Variants in CNTNAP5 observed in about 807,000 individuals in gnomAD.
CNTNAP5 encodes the protein contactin associated protein family member 5.
CNTNAP5 carries 72 observed loss-of-function variants against 150.2 expected under a neutral mutation model. That is an observed-to-expected ratio of 0.48 (90% CI 0.40 to 0.58). CNTNAP5 has a LOEUF of 0.58. Ranked by LOEUF, CNTNAP5 falls within the 20% of genes least tolerant of loss-of-function variation. The pLI is 0.00. For synonymous variants in CNTNAP5, 672 were observed against 619.8 expected, an observed-to-expected ratio of 1.08 and a Z score of -1.25; for missense variants, 1,636 against 1,626.2, an observed-to-expected ratio of 1.01 and a Z score of -0.10.
intron 5 of CNTNAP5, among the ~76,000 whole-genome samples, chr2:124,439,767 G>A (rs1023406636): frequency 1.3e-5 from 2 of 152,054 alleles, no homozygotes; most frequent in African/African-American, 4.8e-5. Flanking sequence ...GTTGAAAGGG[G>A]GTACCTTTAC....
chr2:124,233,759 T>G (rs1371195809), intron 2 of CNTNAP5, among the ~76,000 whole-genome samples: 2 of 149,320 alleles, frequency 1.3e-5, no homozygotes, highest in Non-Finnish European at 3.0e-5. Flanking sequence ...AATCATTTTG[T>G]GTCCATAGTT....
chr2:124,429,386 C>T (rs1692316980), intron 4 of CNTNAP5, among the ~76,000 whole-genome samples: 1 of 152,088 alleles, frequency 6.6e-6, no homozygotes, highest in Non-Finnish European at 1.5e-5. Context: ...TGAAAAAAAT[C>T]AAGCAATAGT....
intron 7 of CNTNAP5, among the ~76,000 whole-genome samples, chr2:124,496,777 C>T (rs568753003): frequency 6.6e-5 from 10 of 152,302 alleles, no homozygotes; most frequent in South Asian, 2.1e-4. Context: ...ACTGTCCCTA[C>T]GGTAGAGGAG....
intron 21 of CNTNAP5, among the ~76,000 whole-genome samples, chr2:124,877,269 A>G (rs1051474885): frequency 1.3e-5 from 2 of 152,150 alleles, no homozygotes; most frequent in Non-Finnish European, 2.9e-5. Context: ...TATGAATAGC[A>G]TGCCCTTGAG....
In CNTNAP5 at chr2:124,410,680, G is replaced by A. The variant is rs370365932; in HGVS notation, c.382-6763G>A. Among the ~76,000 whole-genome samples, 959 of 150,444 alleles carry A rather than the reference G, an allele frequency of 6.4e-3. 6 individuals are homozygous for A. Among genetic ancestry groups the A allele is most frequent in the Non-Finnish European group, 6.8e-3 (458 of 67,222 alleles). On this transcript the variant is annotated intron_variant, in intron 3 of 23. Transcript: ENST00000682447. ...GAAATAAAGCTGTTCTTTGAAACCA[G>A]CGAGAACAAAGACACAACATACCAG...
At chr2:124,398,945 G>A (rs1691333622) in intron 3 of CNTNAP5, among the ~76,000 whole-genome samples, 1 of 152,144 alleles carries the variant, frequency 6.6e-6, no homozygotes, top group Admixed American at 6.5e-5. Context: ...GTATTTCCTT[G>A]GGTTTGTGTT....
At position 124,916,262 on chromosome 2, in the gene CNTNAP5, A is replaced by G. The variant is rs575476974; in HGVS notation, c.*1974A>G. ...TTATTTTAAAGTGATTTTAACCATG[A>G]TATCATTTCTCTCCTTTTAGTTTTA... is the stretch of plus-strand genomic sequence containing the variant. On this transcript the variant is annotated 3_prime_UTR_variant, in exon 24 of 24. Coordinates refer to ENST00000682447, the MANE Select transcript of CNTNAP5 (RefSeq NM_001367498.1). Among the ~76,000 whole-genome samples, 5 of 152,212 alleles carry G rather than the reference A, an allele frequency of 3.3e-5. 1 individual carries two copies. Among genetic ancestry groups the G allele is most frequent in the African/African-American group, 1.2e-4 (5 of 41,570 alleles).
chr2:124,504,538 G>T lies in CNTNAP5; in HGVS notation c.1309G>T (p.Val437Leu), dbSNP rs145480371. The T allele has an allele frequency of 3.1e-6, 5 of 1,613,504 alleles. No individual in the cohort carries two copies. Among genetic ancestry groups the T allele is most frequent in the African/African-American group, 1.3e-5 (1 of 74,870 alleles). ...CGTGATTCAGAAAATGACAGAACGC[G>T]TAGCTGAAATCCTCACAGGTACTGT... Reference protein sequence around the residue: ...RLVIQKMTERVAEILTGSNLN... With the variant: ...RLVIQKMTERLAEILTGSNLN... Residue 437 changes from valine to leucine, a missense_variant, in exon 8 of 24, where the codon GTA becomes TTA. Coordinates refer to ENST00000682447, the MANE Select transcript of CNTNAP5 (RefSeq NM_001367498.1).
At chr2:124,182,835 T>A (rs1685241777) in intron 1 of CNTNAP5, among the ~76,000 whole-genome samples, 1 of 152,194 alleles carries the variant, frequency 6.6e-6, no homozygotes. Context: ...GCTGTTTCTC[T>A]CCTTTTAATC....
chr2:124,245,993 C>T (rs1022153123), intron 3 of CNTNAP5, among the ~76,000 whole-genome samples: 1 of 152,078 alleles, frequency 6.6e-6, no homozygotes, highest in African/African-American at 2.4e-5. Context: ...GATCCTCCCA[C>T]CATGACCTCA....
intron 10 of CNTNAP5, among the ~76,000 whole-genome samples, chr2:124,535,277 C>G (rs909324431): frequency 6.6e-6 from 1 of 152,154 alleles, no homozygotes. Flanking sequence ...GATATGGAAG[C>G]AGGGTGCTGT....
At chr2:124,191,972 AGTCTCGT>A (rs1685468927) in intron 1 of CNTNAP5, among the ~76,000 whole-genome samples, 1 of 152,056 alleles carries the variant, frequency 6.6e-6, no homozygotes, top group African/African-American at 2.4e-5. Flanking sequence ...AAGGAGCTGC[AGTCTCGT>A]GTCTCCTTAG....
intron 1 of CNTNAP5, among the ~76,000 whole-genome samples, chr2:124,091,474 A>G (rs1682812244): frequency 6.6e-6 from 1 of 152,186 alleles, no homozygotes. Context: ...TCGTGATCTC[A>G]TCACTTATTA....
intron 3 of CNTNAP5, among the ~76,000 whole-genome samples, chr2:124,336,720 CT>C (rs1186516880): frequency 6.6e-6 from 1 of 152,006 alleles, no homozygotes; most frequent in Non-Finnish European, 1.5e-5. Context: ...TTTTTTATGG[CT>C]GCATAGTATT....
chr2:124,366,212 T>A (rs1326989982), intron 3 of CNTNAP5, among the ~76,000 whole-genome samples: 1 of 152,160 alleles, frequency 6.6e-6, no homozygotes, highest in African/African-American at 2.4e-5. Context: ...ACAGGGCTCA[T>A]TCCAGGAGGT....
At chr2:124,784,191 A>G (rs1024871753) in intron 17 of CNTNAP5, among the ~76,000 whole-genome samples, 12 of 152,178 alleles carry the variant, frequency 7.9e-5, no homozygotes, top group African/African-American at 2.7e-4. Context: ...GAGGATGGAA[A>G]GGTGGCACTG....
intron 13 of CNTNAP5, among the ~76,000 whole-genome samples, chr2:124,668,358 G>T (rs1163808455): frequency 6.6e-6 from 1 of 152,184 alleles, no homozygotes. Flanking sequence ...TAACGGAAAG[G>T]TTTGGGACCA....
At chr2:124,353,912 A>G (rs113286000) in intron 3 of CNTNAP5, among the ~76,000 whole-genome samples, 1 of 152,194 alleles carries the variant, frequency 6.6e-6, no homozygotes, top group Non-Finnish European at 1.5e-5. Flanking sequence ...CATGCATTTG[A>G]TAAATGTGCT....
intron 3 of CNTNAP5, among the ~76,000 whole-genome samples, chr2:124,387,037 A>T (rs150932924): frequency 2.3e-3 from 351 of 152,356 alleles, no homozygotes; most frequent in African/African-American, 8.0e-3. Flanking sequence ...ACCCTTACAA[A>T]GAACCCCACC....
Sources: gnomAD v4.1 joint callset for allele counts (sites outside exome capture counted in the v4.1 genomes callset) on GRCh38, gnomAD v4.1.1 for gene constraint, MANE v1.5 for transcripts, NCBI Gene and HGNC (gene_info 2026-07-23, HGNC 2026-07-21) for gene names.